The following VWA5B2 variants were observed in gnomAD, a reference collection of about 807,000 sequenced individuals.
VWA5B2 encodes von Willebrand factor A domain containing 5B2, also known as von Willebrand factor A domain-containing protein 5B2.
Under a neutral mutation model 118.5 loss-of-function variants are expected in VWA5B2, and 93 were observed. The observed-to-expected ratio is 0.79, with a 90% CI of 0.66 to 0.93. The LOEUF (loss-of-function observed/expected upper bound fraction) is 0.93, where lower values mean the gene tolerates loss of function less well. Ranked by LOEUF, VWA5B2 falls within the 40% of genes least tolerant of loss-of-function variation. The pLI, the probability that VWA5B2 is intolerant of heterozygous loss-of-function variation, is 0.00. For synonymous variants in VWA5B2, 708 were observed against 716.3 expected, an observed-to-expected ratio of 0.99 and a Z score of 0.19; for missense variants, 1,546 against 1,672.8, an observed-to-expected ratio of 0.92 and a Z score of 1.32.
In VWA5B2 at chr3:184,237,164, CTCTG is replaced by C. The variant is rs1718083357; in HGVS notation, c.1534-57_1534-54del. 2 of 1,512,962 alleles carry C rather than the reference CTCTG, an allele frequency of 1.3e-6. No individual in the cohort carries two copies. Among genetic ancestry groups the C allele is most frequent in the African/African-American group, 2.8e-5 (2 of 72,542 alleles). The allele number at this position is 1,512,962 out of a possible 1,614,324, so 93.7% of individuals were successfully genotyped here. A position where few individuals can be genotyped will look rare whatever the true frequency, so the allele number is the denominator to read the frequency against. On this transcript the variant is annotated intron_variant, in intron 11 of 19. Transcript: ENST00000691901. The surrounding 1 kb of genome is among the most constrained non-coding windows in gnomAD (Gnocchi z 5.6). ...CATCAGGGGAAGGGCAGCCTTCCTG[CTCTG>C]TCTGGCCGTATGACACCTCTTTCCT...
In VWA5B2 at chr3:184,234,401, A is replaced by G. The variant is rs1717738507; in HGVS notation, c.820+4A>G. 3 of 1,551,586 alleles carry G rather than the reference A, an allele frequency of 1.9e-6. No individual in the cohort carries two copies. Among genetic ancestry groups the G allele is most frequent in the African/African-American group, 1.4e-5 (1 of 73,044 alleles). ...GAGATCCTGCTGCACCCCAGTGGTG[A>G]GAGACTGGGACACACCGTGGGCCGG... On this transcript the variant is annotated splice_donor_region_variant and intron_variant, in intron 6 of 19. Coordinates refer to ENST00000691901, the MANE Select transcript of VWA5B2 (RefSeq NM_001390846.1).
chr3:184,241,580 T>A lies in VWA5B2; in HGVS notation c.3271T>A (p.Ser1091Thr). ...RISQERLCRASPFAVHRASLS... is the reference protein window; with the variant it reads ...RISQERLCRATPFAVHRASLS... ...CTCGCAGGAGCGCCTCTGCCGTGCCTCGCCCTTTGCCGTGCACCGCGCCAG... is the reference window on the plus strand; with the variant it reads ...CTCGCAGGAGCGCCTCTGCCGTGCCACGCCCTTTGCCGTGCACCGCGCCAG... The change falls in exon 20 of 20, where the codon TCG becomes ACG. Residue 1091 changes from serine (S) to threonine (T), a missense_variant. Coordinates refer to ENST00000691901, the MANE Select transcript of VWA5B2 (RefSeq NM_001390846.1). The surrounding 1 kb of genome is among the most constrained non-coding windows in gnomAD (Gnocchi z 5.1). The A allele has an allele frequency of 6.5e-7, 1 of 1,547,274 alleles. No individual in the cohort carries two copies. The highest frequency in any genetic ancestry group is 8.7e-7 in the Non-Finnish European group (1 of 1,146,696).
intron 3 of VWA5B2, among the ~76,000 whole-genome samples, chr3:184,231,243 C>T (rs1435891515): frequency 1.3e-5 from 2 of 152,156 alleles, no homozygotes; most frequent in Non-Finnish European, 2.9e-5. Flanking sequence ...TCCCCTCCGG[C>T]CCCTTACTAT....
rs1718347642 is a variant in VWA5B2 at position 184,239,557 on chromosome 3, A to T, written c.2366A>T (p.Gln789Leu). 6.5e-7 allele frequency: 1 copy of T among 1,533,170 alleles called. No homozygotes were observed. Among genetic ancestry groups the T allele is most frequent in the Admixed American group, 2.0e-5 (1 of 49,528 alleles). 95.0% of individuals were successfully genotyped at this position (1,533,170 alleles called of 1,614,324 possible). A position where few individuals can be genotyped will look rare whatever the true frequency, so the allele number is the denominator to read the frequency against. The part of the protein sequence containing the change: ...LDGPSPEPGQ[Q>L]LGQGLDDSGN... Reference sequence around the variant, plus strand: ...GGCCCAAGTCCTGAGCCAGGCCAACAGTTGGGACAAGGCCTGGATGACTCA... The same window carrying T: ...GGCCCAAGTCCTGAGCCAGGCCAACTGTTGGGACAAGGCCTGGATGACTCA... Residue 789 changes from glutamine to leucine, a missense_variant, in exon 15 of 20, where the codon CAG becomes CTG. This residue lies in a region of VWA5B2 where 763 missense variants were observed against 766.6 expected (regional missense o/e 1.00). Coordinates refer to ENST00000691901, the MANE Select transcript of VWA5B2 (RefSeq NM_001390846.1). The surrounding 1 kb of genome is among the most constrained non-coding windows in gnomAD (Gnocchi z 5.1).
In VWA5B2 at chr3:184,241,610, A is replaced by G; in HGVS notation, c.3301A>G (p.Ser1101Gly). Residue 1101 changes from serine to glycine, a missense_variant, in exon 20 of 20, where the codon AGC (serine) becomes GGC (glycine). Coordinates refer to ENST00000691901, the MANE Select transcript of VWA5B2 (RefSeq NM_001390846.1). This position sits in a 1 kb window ranked among gnomAD's most constrained non-coding sequence, Gnocchi z 5.1. ...CTTTGCCGTGCACCGCGCCAGCCTC[A>G]GCCCCACCTCGGCCTCATTGCCCTG... ...SPFAVHRASLSPTSASLPWAL... is the reference protein window; with the variant it reads ...SPFAVHRASLGPTSASLPWAL... The G allele has an allele frequency of 6.5e-7, 1 of 1,543,706 alleles. No individual in the cohort carries two copies. Among genetic ancestry groups the G allele is most frequent in the Non-Finnish European group, 8.7e-7 (1 of 1,146,580 alleles).
rs773386944 is a variant in VWA5B2 at position 184,233,302 on chromosome 3, C to G, written c.435C>G (p.Asp145Glu). ...GCCGGGAGCTGCCCTCAAGGCCTGA[C>G]GGGGTGCTGCATGTGGCCCTGCCCA... Reference protein sequence around the residue: ...HSSRELPSRPDGVLHVALPTV... With the variant: ...HSSRELPSRPEGVLHVALPTV... Residue 145 changes from aspartate (D) to glutamate (E), a missense_variant, in exon 4 of 20, where the codon GAC becomes GAG. Coordinates refer to ENST00000691901, the MANE Select transcript of VWA5B2 (RefSeq NM_001390846.1). This position sits in a 1 kb window ranked among gnomAD's most constrained non-coding sequence, Gnocchi z 5.2. 1 of 1,537,294 alleles carries G rather than the reference C, an allele frequency of 6.5e-7. No individual in the cohort carries two copies. The highest frequency in any genetic ancestry group is 1.2e-5 in the South Asian group (1 of 81,296).
chr3:184,235,256 C>T lies in VWA5B2; in HGVS notation c.1049C>T (p.Thr350Ile). Residue 350 changes from threonine to isoleucine, a missense_variant, in exon 8 of 20, where the codon ACA becomes ATA. Coordinates refer to ENST00000691901, the MANE Select transcript of VWA5B2 (RefSeq NM_001390846.1). ...AGCTCCAAGCCCGGACACCTGGGGA[C>T]AGCTACTCGGGAGCTACTCTTCCTT... ...DLSSKPGHLG[T>I]ATRELLFLLD... The T allele has an allele frequency of 6.4e-7, 1 of 1,551,622 alleles. No homozygotes were observed. Among genetic ancestry groups the T allele is most frequent in the Non-Finnish European group, 8.7e-7 (1 of 1,146,950 alleles).
Position 184,237,123 on chromosome 3 carries a change from G to C in VWA5B2, c.1534-103G>C. ...CCTGGCCCTGTGCCCCATCAGCTTA[G>C]GGGCTGGGCAGATGGCATCAGGGGA... On this transcript the variant is annotated intron_variant, in intron 11 of 19. Transcript: ENST00000691901. This position sits in a 1 kb window ranked among gnomAD's most constrained non-coding sequence, Gnocchi z 5.6. 7.5e-7 allele frequency: 1 copy of C among 1,327,034 alleles called. No homozygotes were observed. The allele number at this position is 1,327,034 out of a possible 1,614,324, so 82.2% of individuals were successfully genotyped here.
At position 184,233,457 on chromosome 3, in the gene VWA5B2, G is replaced by A. The variant is rs888518405; in HGVS notation, c.530+60G>A. ...CGGCTTCTCTGGGTCTAGTGCGGGT[G>A]AGGGGGCACTGGCAGGGTACCCAGG... On this transcript the variant is annotated intron_variant, in intron 4 of 19. Transcript: ENST00000691901. The surrounding 1 kb of genome is among the most constrained non-coding windows in gnomAD (Gnocchi z 5.2). The A allele has an allele frequency of 1.3e-6, 2 of 1,500,468 alleles. No homozygotes were observed. 92.9% of individuals were successfully genotyped at this position (1,500,468 alleles called of 1,614,324 possible). A position where few individuals can be genotyped will look rare whatever the true frequency, so the allele number is the denominator to read the frequency against.
rs1312600796 is a variant in VWA5B2, at chr3:184,233,186, G to A, written c.319G>A (p.Val107Ile). 4 of 1,550,490 alleles carry A rather than the reference G, an allele frequency of 2.6e-6. No individual in the cohort carries two copies. The highest frequency in any genetic ancestry group is 2.7e-5 in the African/African-American group (2 of 73,028). Reference sequence around the variant, plus strand: ...TTTCTCACCCATCATAGGTCATCTTGTCTTGGATCTGGCCCAGGCCCGGTC... The same window carrying A: ...TTTCTCACCCATCATAGGTCATCTTATCTTGGATCTGGCCCAGGCCCGGTC... ...TPRRCAQGHL[V>I]LDLAQARSTL... The change falls in exon 4 of 20, where the codon GTC (valine) becomes ATC (isoleucine). Residue 107 changes from valine (V) to isoleucine (I), a missense_variant. Coordinates refer to ENST00000691901, the MANE Select transcript of VWA5B2 (RefSeq NM_001390846.1). This position sits in a 1 kb window ranked among gnomAD's most constrained non-coding sequence, Gnocchi z 5.2.
chr3:184,241,395 C>A lies in VWA5B2; in HGVS notation c.3171C>A (p.Tyr1057Ter). The A allele has an allele frequency of 6.3e-7, 1 of 1,580,760 alleles. No individual in the cohort carries two copies. The highest frequency in any genetic ancestry group is 8.6e-7 in the Non-Finnish European group (1 of 1,163,106). The part of the protein sequence containing the change: ...ANNSEGSDHD[Y>*]LPLVRLQEAP... ...ACAGTGAAGGCAGCGACCATGACTA[C>A]CTGCCCTTGGTGAGGACTCGGGAGG... The change falls in exon 19 of 20, where the codon TAC (tyrosine) becomes TAA (stop). Residue 1057 changes from tyrosine to a stop codon, truncating the protein, a stop_gained. Transcript: ENST00000691901. LOFTEE classifies it high-confidence loss of function. This position sits in a 1 kb window ranked among gnomAD's most constrained non-coding sequence, Gnocchi z 5.1.
chr3:184,238,306 C>T lies in VWA5B2; in HGVS notation c.1723C>T (p.Gln575Ter). The change falls in exon 13 of 20, where the codon CAA becomes TAA. Residue 575 changes from glutamine (Q) to a stop codon, truncating the protein, a stop_gained. Transcript: ENST00000691901. LOFTEE classifies it high-confidence loss of function. This position sits in a 1 kb window ranked among gnomAD's most constrained non-coding sequence, Gnocchi z 5.0. ...DGFRSRPPGG[Q>*]EPGWQSSGGS... ...TTCCCAATAATATTCTCTCTAGGGC[C>T]AAGAGCCTGGCTGGCAGAGCTCGGG... 1.3e-6 allele frequency: 2 copies of T among 1,514,208 alleles called. No individual in the cohort carries two copies. The highest frequency in any genetic ancestry group is 1.8e-6 in the Non-Finnish European group (2 of 1,126,646). 93.8% of individuals were successfully genotyped at this position (1,514,208 alleles called of 1,614,324 possible). A position where few individuals can be genotyped will look rare whatever the true frequency, so the allele number is the denominator to read the frequency against.
chr3:184,235,352 G>A (rs1361730159), intron 8 of VWA5B2, 44 bp downstream of exon 8: 2 of 1,538,958 alleles, frequency 1.3e-6, no homozygotes, highest in African/African-American at 1.4e-5. Context: ...GTTGGGTGGG[G>A]CAGTGGGTCT....
Position 184,233,845 on chromosome 3 carries a change from G to A in VWA5B2, c.688+112G>A. 2 of 1,410,312 alleles carry A rather than the reference G, an allele frequency of 1.4e-6. No individual in the cohort carries two copies. Among genetic ancestry groups the A allele is most frequent in the Non-Finnish European group, 1.9e-6 (2 of 1,057,908 alleles). The allele number at this position is 1,410,312 out of a possible 1,614,324, so 87.4% of individuals were successfully genotyped here. On this transcript the variant is annotated intron_variant, in intron 5 of 19. Transcript: ENST00000691901. The surrounding 1 kb of genome is among the most constrained non-coding windows in gnomAD (Gnocchi z 5.2). Reference sequence around the variant, plus strand: ...GGAGGGACACAGGACAAAAAGACAGGGACCCCAGCCTCCGGAACATCTGGG... The same window carrying A: ...GGAGGGACACAGGACAAAAAGACAGAGACCCCAGCCTCCGGAACATCTGGG...
intron 16 of VWA5B2, 33 bp from the exon 17 acceptor site, chr3:184,240,758 G>A (rs1272264127): frequency 8.4e-6 from 13 of 1,546,930 alleles, no homozygotes; most frequent in Non-Finnish European, 1.0e-5. Context: ...GGTGGGTGGT[G>A]GGGGCTCCAC....
rs1000869495 is a variant in VWA5B2, at chr3:184,242,077, C to A, written c.*39C>A. The A allele has an allele frequency of 3.9e-6, 6 of 1,541,584 alleles. No individual in the cohort carries two copies. In the African/African-American group the frequency reaches 6.8e-5, roughly 18 times the overall value. ...CTGCTTGGGCTGGCGCCCCACCCAA[C>A]ACACTCAAGTCACTGCCGCCCAGGG... On this transcript the variant is annotated 3_prime_UTR_variant, in exon 20 of 20. Coordinates refer to ENST00000691901, the MANE Select transcript of VWA5B2 (RefSeq NM_001390846.1).
chr3:184,236,062 C>T, intron 8 of VWA5B2, 90 bp from the exon 9 acceptor site: 1 of 1,216,064 alleles, frequency 8.2e-7, no homozygotes, highest in Non-Finnish European at 1.2e-6. Context: ...ACTTGAATCA[C>T]AGCCTGGATA....
chr3:184,241,324 G>C lies in VWA5B2; in HGVS notation c.3100G>C (p.Gly1034Arg). The change falls in exon 19 of 20, where the codon GGC becomes CGC. Residue 1034 changes from glycine to arginine, a missense_variant. Transcript: ENST00000691901. This position sits in a 1 kb window ranked among gnomAD's most constrained non-coding sequence, Gnocchi z 5.1. ...CCGTCCTCCCTGTCGGCTCAGCATG[G>C]GCCGCCGTCACAAACTCTGTAGCCC... Reference protein sequence around the residue: ...PPRPPCRLSMGRRHKLCSPDP... With the variant: ...PPRPPCRLSMRRRHKLCSPDP... The C allele has an allele frequency of 6.4e-7, 1 of 1,551,372 alleles. No homozygotes were observed. The highest frequency in any genetic ancestry group is 8.7e-7 in the Non-Finnish European group (1 of 1,147,012).
rs148241223 is a variant in VWA5B2, at chr3:184,241,431, T to A, written c.3180+27T>A. On this transcript the variant is annotated intron_variant, in intron 19 of 19. Transcript: ENST00000691901. This position sits in a 1 kb window ranked among gnomAD's most constrained non-coding sequence, Gnocchi z 5.1. ...TGAGGACTCGGGAGGTGGAGGGTGGTGCCGCCGGGGCCGGGCGCTGTTTCA... is the reference window on the plus strand; with the variant it reads ...TGAGGACTCGGGAGGTGGAGGGTGGAGCCGCCGGGGCCGGGCGCTGTTTCA... 1,095 of 1,573,794 alleles carry A rather than the reference T, an allele frequency of 7.0e-4. 28 individuals carry two copies. The East Asian group carries it at 0.025, about 37-fold the overall frequency.
Sources: gnomAD v4.1 joint callset for allele counts (sites outside exome capture counted in the v4.1 genomes callset) on GRCh38, gnomAD v4.1.1 for gene constraint, gnomAD v4.1.1 regional missense constraint, Gnocchi (gnomAD v3.1) non-coding constraint, MANE v1.5 for transcripts, NCBI Gene and HGNC (gene_info 2026-07-23, HGNC 2026-07-21) for gene names.